PCM1: variants seen among roughly 807,000 people sequenced by gnomAD.
PCM1 encodes the protein pericentriolar material 1 protein.
Under a neutral mutation model 241.9 loss-of-function variants are expected in PCM1, and 157 were observed. The observed-to-expected ratio is 0.65, with a 90% CI of 0.57 to 0.74. The LOEUF is 0.74. Ranked by LOEUF, PCM1 falls within the 30% of genes least tolerant of loss-of-function variation. PCM1 has a pLI of 0.00. For synonymous variants in PCM1, 1,085 were observed against 784.9 expected, an observed-to-expected ratio of 1.38 and a Z score of -6.39; for missense variants, 3,478 against 2,360.1, an observed-to-expected ratio of 1.47 and a Z score of -9.81.
intron 13 of PCM1, among the ~76,000 whole-genome samples, 152 bp from the exon 14 acceptor site, chr8:17,959,862 A>G (rs2093787230): frequency 6.6e-6 from 1 of 152,068 alleles, no homozygotes; most frequent in African/African-American, 2.4e-5. Context: ...ACAAATATAT[A>G]TTGAACACGT....
In PCM1 at chr8:17,990,541, T is replaced by G. The variant is rs185258389; in HGVS notation, c.4531+562T>G. ...TGTAAAACAAAAGAGGTTTAGAGGGTTGCCTGGCTGCAGTGGAGAAAAAAT... is the reference window on the plus strand; with the variant it reads ...TGTAAAACAAAAGAGGTTTAGAGGGGTGCCTGGCTGCAGTGGAGAAAAAAT... On this transcript the variant is annotated intron_variant, in intron 27 of 38. Coordinates refer to ENST00000325083, the MANE Select transcript of PCM1 (RefSeq NM_006197.4). Among the ~76,000 whole-genome samples the G allele has an allele frequency of 3.6e-3, 550 of 151,088 alleles. 11 individuals carry two copies. Among genetic ancestry groups the G allele is most frequent in the East Asian group, 0.021 (107 of 5,148 alleles).
At chr8:17,965,753 T>C (rs1378262327) in intron 18 of PCM1, among the ~76,000 whole-genome samples, 1 of 152,222 alleles carries the variant, frequency 6.6e-6, no homozygotes, top group Non-Finnish European at 1.5e-5. Context: ...TTTTGCAGAA[T>C]ACTTAATTAT....
Position 17,972,706 on chromosome 8 carries a change from T to C in PCM1, c.3943+19T>C. ...AACATCAGTAAGTGTTGAAATTTGT[T>C]GAATGTTGATCAGTGTAAATTTTGG... On this transcript the variant is annotated intron_variant, in intron 23 of 38. Coordinates refer to ENST00000325083, the MANE Select transcript of PCM1 (RefSeq NM_006197.4). The C allele has an allele frequency of 7.0e-7, 1 of 1,428,760 alleles. No individual in the cohort carries two copies. Among genetic ancestry groups the C allele is most frequent in the Non-Finnish European group, 9.4e-7 (1 of 1,069,240 alleles). The allele number at this position is 1,428,760 out of a possible 1,614,324, so 88.5% of individuals were successfully genotyped here.
chr8:17,933,000 C>T (rs774955290), intron 2 of PCM1, among the ~76,000 whole-genome samples: 12 of 152,086 alleles, frequency 7.9e-5, no homozygotes, highest in East Asian at 3.9e-4. Flanking sequence ...GTGACTCAAA[C>T]GATTTTTCCC....
chr8:17,982,312 A>G (rs1244018380), intron 24 of PCM1, among the ~76,000 whole-genome samples: 3 of 152,196 alleles, frequency 2.0e-5, no homozygotes, highest in Non-Finnish European at 2.9e-5. Flanking sequence ...GAGGTCGAAG[A>G]AGGACACTAA....
At chr8:17,936,058 C>G (rs2060328701) in intron 3 of PCM1, among the ~76,000 whole-genome samples, 1 of 152,122 alleles carries the variant, frequency 6.6e-6, no homozygotes, top group Non-Finnish European at 1.5e-5. Flanking sequence ...CCTAACACAC[C>G]TTTCTCTTTA....
chr8:17,976,989 A>G (rs1294500788), intron 23 of PCM1, among the ~76,000 whole-genome samples: 4 of 152,022 alleles, frequency 2.6e-5, no homozygotes, highest in African/African-American at 7.3e-5. Flanking sequence ...GGGACTCCCC[A>G]CTGAGAATTT....
intron 2 of PCM1, chr8:17,926,245 C>T (rs1413774023): frequency 2.6e-5 from 4 of 151,972 alleles, no homozygotes; most frequent in African/African-American, 9.7e-5. Context: ...ATTGGAAGAC[C>T]TGGGTTTTTT....
intron 36 of PCM1, among the ~76,000 whole-genome samples, chr8:18,018,899 C>A (rs377627704): frequency 2.6e-5 from 3 of 113,254 alleles, no homozygotes; most frequent in South Asian, 2.8e-4. Context: ...TATACATACA[C>A]ATATATATAT....
chr8:17,924,633 C>A (rs1331980722), intron 1 of PCM1, 80 bp from the exon 2 acceptor site: 2 of 152,016 alleles, frequency 1.3e-5, no homozygotes, highest in Non-Finnish European at 2.9e-5. Context: ...TACTTTAGAC[C>A]AAAACTGAAG....
At chr8:17,972,770 G>A in intron 23 of PCM1, 83 bp downstream of exon 23, 1 of 790,800 alleles carries the variant, frequency 1.3e-6, no homozygotes, top group Non-Finnish European at 1.9e-6. Context: ...TATAGTTTCA[G>A]TAAGGCTAGA....
chr8:18,011,522 G>A (rs905015378), intron 33 of PCM1, 145 bp from the exon 34 acceptor site: 3 of 1,056,610 alleles, frequency 2.8e-6, no homozygotes, highest in South Asian at 1.8e-5. Flanking sequence ...TAGACTTTCT[G>A]CACTGTAAGT....
At chr8:17,977,313 T>C (rs779004153) in intron 23 of PCM1, among the ~76,000 whole-genome samples, 8 of 152,204 alleles carry the variant, frequency 5.3e-5, no homozygotes, top group African/African-American at 1.9e-4. Flanking sequence ...GGCTAAACTT[T>C]AGTTTGAGAG....
At chr8:17,935,448 C>T (rs554208057) in intron 2 of PCM1, 141 bp from the exon 3 acceptor site, 4 of 571,568 alleles carry the variant, frequency 7.0e-6, no homozygotes. Flanking sequence ...ATCAATTTGT[C>T]TGTGATGTGG....
At chr8:17,997,629 T>C (rs2087381582) in intron 29 of PCM1, among the ~76,000 whole-genome samples, 1 of 152,188 alleles carries the variant, frequency 6.6e-6, no homozygotes, top group South Asian at 2.1e-4. Flanking sequence ...GAGAGATTGA[T>C]GCATTCTTTA....
At chr8:17,962,902 CAA>C (rs376483193) in intron 16 of PCM1, 197 bp from the exon 17 acceptor site, 3,182 of 343,006 alleles carry the variant, frequency 9.3e-3, no homozygotes, top group East Asian at 0.02. Flanking sequence ...GACTCTGTCT[CAA>C]AAAAAAAAAA....
intron 21 of PCM1, among the ~76,000 whole-genome samples, chr8:17,968,676 C>G (rs952520874): frequency 3.3e-5 from 5 of 150,608 alleles, no homozygotes; most frequent in African/African-American, 1.2e-4. Context: ...ATACTTCTTA[C>G]ATACATATAT....
chr8:17,963,115 G>C lies in PCM1; in HGVS notation c.2478G>C (p.Met826Ile). The C allele has an allele frequency of 6.2e-7, 1 of 1,609,384 alleles. No individual in the cohort carries two copies. ...SIVDNELWSEMRRHEMLREEL... is the reference protein window; with the variant it reads ...SIVDNELWSEIRRHEMLREEL... Reference sequence around the variant, plus strand: ...AAAAAAAATAGTTGTGGTCAGAAATGAGAAGACATGAAATGTTGAGGGAGG... The same window carrying C: ...AAAAAAAATAGTTGTGGTCAGAAATCAGAAGACATGAAATGTTGAGGGAGG... The change falls in exon 17 of 39, where the codon ATG becomes ATC. Residue 826 changes from methionine to isoleucine, a missense_variant. Coordinates refer to ENST00000325083, the MANE Select transcript of PCM1 (RefSeq NM_006197.4).
rs1210176773 is a variant in PCM1, at chr8:17,938,770, G to T, written c.373G>T (p.Ala125Ser). Residue 125 changes from alanine (A) to serine (S), a missense_variant, in exon 5 of 39, where the codon GCA becomes TCA. Physicochemically the swap from Ala to Ser is moderately conservative, Grantham distance 99 (BLOSUM62 1). Coordinates refer to ENST00000325083, the MANE Select transcript of PCM1 (RefSeq NM_006197.4). ...RSIGSDSQGR[A>S]TAANNKRQLS... ...CATTGGAAGTGATTCCCAAGGTAGA[G>T]CAACAGCTGCTAACAACAAACGTCA... 3.1e-6 allele frequency: 5 copies of T among 1,612,124 alleles called. No individual in the cohort carries two copies. The highest frequency in any genetic ancestry group is 4.2e-6 in the Non-Finnish European group (5 of 1,178,160).
Sources: gnomAD v4.1 joint callset for allele counts (sites outside exome capture counted in the v4.1 genomes callset) on GRCh38, gnomAD v4.1.1 for gene constraint, MANE v1.5 for transcripts, NCBI Gene and HGNC (gene_info 2026-07-23, HGNC 2026-07-21) for gene names.